TMEM272: variants seen among roughly 807,000 people sequenced by gnomAD.
The protein encoded by TMEM272 is transmembrane protein 272, also known as long intergenic non-protein coding RNA 282.
Under a neutral mutation model 3.7 loss-of-function variants are expected in TMEM272, and 8 were observed. That is an observed-to-expected ratio of 2.17 (90% CI 1.27 to 3.91). TMEM272 has a LOEUF of 3.91. TMEM272 is among the 30% of genes most tolerant of loss of function. The probability of loss-of-function intolerance (pLI) is 0.00; values close to 1 mark genes in which losing one functional copy is unlikely to be tolerated. For missense variants in TMEM272, 166 were observed against 91.5 expected (o/e 1.81, Z -3.32); for synonymous variants, 63 against 39.8 (o/e 1.58, Z -2.20).
At chr13:51,924,451 G>T in the TMEM272 span, among the ~76,000 whole-genome samples, 4 of 152,130 alleles carry the variant, frequency 2.6e-5, no homozygotes, top group African/African-American at 9.7e-5. Context: ...AGGGGGTGCT[G>T]GGTCTGTTGA....
the TMEM272 span, among the ~76,000 whole-genome samples, chr13:51,886,158 A>C: frequency 6.6e-6 from 1 of 151,916 alleles, no homozygotes; most frequent in East Asian, 1.9e-4. Flanking sequence ...TGGTGTAGAG[A>C]TCTCAAGAGA....
chr13:51,889,393 C>T, the TMEM272 span, among the ~76,000 whole-genome samples: 1 of 151,994 alleles, frequency 6.6e-6, no homozygotes, highest in African/African-American at 2.4e-5. Flanking sequence ...AAGGGTGAGA[C>T]CCTGAACCAA....
At chr13:51,838,142 G>C (rs566125380) in intron 2 of TMEM272, among the ~76,000 whole-genome samples, 1 of 152,314 alleles carries the variant, frequency 6.6e-6, no homozygotes, top group African/African-American at 2.4e-5. Flanking sequence ...CCAGGTCCAA[G>C]GTGTCACATT....
chr13:51,930,816 T>G, the TMEM272 span, among the ~76,000 whole-genome samples: 2 of 151,972 alleles, frequency 1.3e-5, no homozygotes, highest in African/African-American at 4.8e-5. Context: ...TTGGCTGATT[T>G]TGGTCTATGC....
upstream of TMEM272, among the ~76,000 whole-genome samples, chr13:51,846,375 A>C (rs1956305780): frequency 6.6e-6 from 1 of 152,248 alleles, no homozygotes; most frequent in African/African-American, 2.4e-5. Context: ...ATAATGTTGT[A>C]GTGCAACACA....
chr13:51,904,591 G>A, the TMEM272 span, among the ~76,000 whole-genome samples: 2 of 152,270 alleles, frequency 1.3e-5, no homozygotes, highest in South Asian at 2.1e-4. Context: ...AGCATGGTCC[G>A]TTTTCAAGAT....
At chr13:51,908,957 G>C in the TMEM272 span, 1 of 1,388,424 alleles carries the variant, frequency 7.2e-7, no homozygotes, top group Admixed American at 1.7e-5. Context: ...GGCCTCTTGG[G>C]TCTCTTCCTC....
chr13:51,904,541 G>A, the TMEM272 span, among the ~76,000 whole-genome samples: 32 of 152,298 alleles, frequency 2.1e-4, no homozygotes, highest in Admixed American at 1.5e-3. Context: ...TGGTATGGAC[G>A]TGGAAAAGAA....
the TMEM272 span, among the ~76,000 whole-genome samples, chr13:51,890,769 G>C: frequency 6.6e-6 from 1 of 152,184 alleles, no homozygotes; most frequent in Non-Finnish European, 1.5e-5. Context: ...GAGGAACTCT[G>C]AGCTGACTAA....
chr13:51,817,676 T>C (rs1956045708), intron 4 of TMEM272, among the ~76,000 whole-genome samples: 1 of 152,032 alleles, frequency 6.6e-6, no homozygotes, highest in Non-Finnish European at 1.5e-5. Context: ...TGGAAGTTTG[T>C]ACCACTGCCC....
chr13:51,819,438 C>T (rs534368634), intron 4 of TMEM272, among the ~76,000 whole-genome samples: 50 of 152,298 alleles, frequency 3.3e-4, no homozygotes, highest in African/African-American at 1.1e-3. Flanking sequence ...CCACCCACCA[C>T]GTGTCCCCAG....
chr13:51,922,967 T>C, the TMEM272 span, among the ~76,000 whole-genome samples: 1 of 152,232 alleles, frequency 6.6e-6, no homozygotes, highest in Non-Finnish European at 1.5e-5. Context: ...CTTAATCACA[T>C]GTGCAGGGCT....
intron 2 of TMEM272, among the ~76,000 whole-genome samples, chr13:51,837,176 C>G (rs1192816913): frequency 1.3e-5 from 2 of 152,252 alleles, no homozygotes; most frequent in East Asian, 3.8e-4. Context: ...ATTTACAGTG[C>G]AGCCAGGAAA....
At chr13:51,849,795 G>C (rs1374452558), upstream of TMEM272, among the ~76,000 whole-genome samples, 1 of 152,190 alleles carries the variant, frequency 6.6e-6, no homozygotes, top group Non-Finnish European at 1.5e-5. Context: ...CAAGGCCGAG[G>C]GTCTAAGTTC....
At chr13:51,878,780 T>TAGGA in the TMEM272 span, among the ~76,000 whole-genome samples, 1 of 152,382 alleles carries the variant, frequency 6.6e-6, no homozygotes, top group South Asian at 2.1e-4. Flanking sequence ...TTCCCTTCAC[T>TAGGA]ATATGAAGGC....
the TMEM272 span, among the ~76,000 whole-genome samples, chr13:51,888,880 C>T: frequency 2.3e-4 from 35 of 152,068 alleles, no homozygotes; most frequent in South Asian, 6.9e-3. Flanking sequence ...CGCCTGACCT[C>T]GTGATCCACC....
the TMEM272 span, among the ~76,000 whole-genome samples, chr13:51,914,960 A>T: frequency 2.0e-5 from 3 of 152,222 alleles, no homozygotes; most frequent in East Asian, 5.8e-4. Context: ...ATCTTATACA[A>T]TCTGGAGTAT....
chr13:51,897,489 C>T, the TMEM272 span, among the ~76,000 whole-genome samples: 1 of 145,230 alleles, frequency 6.9e-6, no homozygotes, highest in Non-Finnish European at 1.5e-5. Context: ...GCTGGGATTA[C>T]AGGCATGAGC....
the TMEM272 span, among the ~76,000 whole-genome samples, chr13:51,891,234 A>G: frequency 6.6e-6 from 1 of 152,228 alleles, no homozygotes; most frequent in Admixed American, 6.5e-5. Flanking sequence ...ATTTCTGCCT[A>G]GGAAGAAAAA....
Sources: allele counts gnomAD v4.1 joint callset (sites outside exome capture counted in the v4.1 genomes callset), GRCh38; gene constraint gnomAD v4.1.1; transcripts MANE v1.5; gene names NCBI Gene and HGNC (gene_info 2026-07-23, HGNC 2026-07-21).